Variants in PDZD9 observed in about 807,000 individuals in gnomAD.
PDZD9 encodes PDZ domain-containing protein 9.
A neutral mutation model predicts 16.3 loss-of-function variants in PDZD9; 13 were observed. That is an observed-to-expected ratio of 0.80 (90% CI 0.52 to 1.27). The LOEUF is 1.27. Among genes scored for constraint, PDZD9 ranks in the 50% most tolerant of loss-of-function variants. The pLI is 0.00. For missense variants in PDZD9, 288 were observed against 310.9 expected, an observed-to-expected ratio of 0.93 and a Z score of 0.55; for synonymous variants, 120 against 111.0, an observed-to-expected ratio of 1.08 and a Z score of -0.51.
chr16:21,978,180 G>A, the PDZD9 span, among the ~76,000 whole-genome samples: 1 of 152,140 alleles, frequency 6.6e-6, no homozygotes, highest in African/African-American at 2.4e-5. Context: ...AGTTCTTCCT[G>A]TAGTGAAAGA....
Position 21,988,619 on chromosome 16 carries a change from G to C in PDZD9, c.384C>G (p.Ala128=). Residue 128 remains alanine, a synonymous_variant, in exon 3 of 4, where the codon GCC becomes GCG. Coordinates refer to ENST00000424898, the MANE Select transcript of PDZD9 (RefSeq NM_001363519.1). ...WQEIYDLIPE[A]KFPVTSTPKK... is the part of the protein sequence containing the mutation. ...CTATTTACCTTGTTACTGGGAATTT[G>C]GCCTCAGGGATTAAATCATATATTT... The C allele has an allele frequency of 6.2e-7, 1 of 1,610,084 alleles. No individual in the cohort carries two copies. The highest frequency in any genetic ancestry group is 8.5e-7 in the Non-Finnish European group (1 of 1,178,100).
the PDZD9 span, chr16:21,962,130 A>G: frequency 4.4e-6 from 1 of 227,652 alleles, no homozygotes; most frequent in Non-Finnish European, 8.7e-6. Context: ...CAGTCTCTAC[A>G]AATTTGACTA....
chr16:21,957,786 G>A, the PDZD9 span, among the ~76,000 whole-genome samples: 1 of 152,142 alleles, frequency 6.6e-6, no homozygotes, highest in Non-Finnish European at 1.5e-5. Context: ...ATATCAGCAG[G>A]GCTGTGATCC....
the PDZD9 span, among the ~76,000 whole-genome samples, chr16:21,959,086 G>A: frequency 3.3e-5 from 5 of 152,306 alleles, no homozygotes; most frequent in South Asian, 2.1e-4. Flanking sequence ...TTGCCTCCAC[G>A]TTAATGGCTG....
At chr16:21,975,201 C>A in the PDZD9 span, among the ~76,000 whole-genome samples, 1 of 151,960 alleles carries the variant, frequency 6.6e-6, no homozygotes, top group Non-Finnish European at 1.5e-5. Context: ...GGAGCATTGG[C>A]AAGAGTGATT....
At chr16:22,000,509 G>A (rs1039098268) in intron 1 of PDZD9, among the ~76,000 whole-genome samples, 2 of 152,006 alleles carry the variant, frequency 1.3e-5, no homozygotes, top group Admixed American at 6.6e-5. Flanking sequence ...CGTGGGTATA[G>A]CTTGTCAAAA....
the PDZD9 span, among the ~76,000 whole-genome samples, chr16:21,969,423 A>T: frequency 6.6e-6 from 1 of 152,110 alleles, no homozygotes; most frequent in South Asian, 2.1e-4. Context: ...AATCCCAGCT[A>T]TCGGGGGGCT....
chr16:21,975,829 A>G, the PDZD9 span, among the ~76,000 whole-genome samples: 1 of 152,136 alleles, frequency 6.6e-6, no homozygotes, highest in Non-Finnish European at 1.5e-5. Context: ...GGTGGCTCAC[A>G]CCTATAATCC....
the PDZD9 span, among the ~76,000 whole-genome samples, chr16:21,974,375 A>C: frequency 6.6e-6 from 1 of 152,210 alleles, no homozygotes; most frequent in Non-Finnish European, 1.5e-5. Flanking sequence ...CTGGGAAACA[A>C]CACCATTTAA....
the PDZD9 span, among the ~76,000 whole-genome samples, chr16:21,975,479 G>A: frequency 6.6e-6 from 1 of 152,070 alleles, no homozygotes; most frequent in East Asian, 1.9e-4. Context: ...GGTGATCAGA[G>A]GGAAAAATAA....
the PDZD9 span, chr16:21,958,562 A>T: frequency 6.2e-7 from 1 of 1,612,830 alleles, no homozygotes; most frequent in Non-Finnish European, 8.5e-7. Context: ...ATCTTTCAAG[A>T]TAACCCGTGG....
chr16:21,988,699 C>G lies in PDZD9; in HGVS notation c.304G>C (p.Val102Leu). 1 of 1,612,892 alleles carries G rather than the reference C, an allele frequency of 6.2e-7. No homozygotes were observed. The highest frequency in any genetic ancestry group is 8.5e-7 in the Non-Finnish European group (1 of 1,179,022). The change falls in exon 3 of 4, where the codon GTG becomes CTG. Residue 102 changes from valine (V) to leucine (L), a missense_variant. By Grantham distance (32) the Val-to-Leu change is conservative. Transcript: ENST00000424898. ...QLLQHITIGT[V>L]LQIKVYRDFI... ...TCTCGGTAAACCTTGATTTGTAGCA[C>G]TGTTCCAATAGTGATATGTTGCAAA...
rs149941296 is a variant in PDZD9, at chr16:21,999,909, C to T, written c.31+1108G>A. On this transcript the variant is annotated intron_variant, in intron 1 of 3. Transcript: ENST00000424898. ...AAAATCAGCCAGGCGTGGTGGTTCA[C>T]GCCTGTAATCCAAGCTACTCTGGAG... Among the ~76,000 whole-genome samples, 253 of 152,288 alleles carry T rather than the reference C, an allele frequency of 1.7e-3. 2 individuals carry two copies. Among genetic ancestry groups the T allele is most frequent in the African/African-American group, 5.9e-3 (245 of 41,560 alleles).
At chr16:21,983,586 T>C, downstream of PDZD9, 1 of 219,606 alleles carries the variant, frequency 4.6e-6, no homozygotes, top group South Asian at 1.8e-4. Context: ...AGCTAAATGG[T>C]CTGGTTTTTA....
the PDZD9 span, among the ~76,000 whole-genome samples, chr16:21,972,597 G>A: frequency 6.6e-6 from 1 of 152,154 alleles, no homozygotes. Context: ...ATGAGAGGCT[G>A]GGCACAGTGG....
chr16:21,970,965 ATATAT>A, the PDZD9 span, among the ~76,000 whole-genome samples: 2 of 151,690 alleles, frequency 1.3e-5, no homozygotes, highest in Non-Finnish European at 2.9e-5. Flanking sequence ...AAGGTTCTTT[ATATAT>A]TTTGGTTACT....
chr16:21,982,774 G>A (rs1000957209), downstream of PDZD9, among the ~76,000 whole-genome samples: 1 of 152,084 alleles, frequency 6.6e-6, no homozygotes, highest in Non-Finnish European at 1.5e-5. Flanking sequence ...AGACCAGCCT[G>A]GCCAACATGG....
At chr16:21,972,233 G>T in the PDZD9 span, 1 of 1,382,092 alleles carries the variant, frequency 7.2e-7, no homozygotes, top group Non-Finnish European at 9.8e-7. Context: ...GAAAATCTTT[G>T]TACAATTGAA....
intron 2 of PDZD9, among the ~76,000 whole-genome samples, chr16:21,995,528 T>G (rs922313735): frequency 2.0e-5 from 3 of 152,148 alleles, no homozygotes; most frequent in African/African-American, 2.4e-5. Flanking sequence ...TTAAATGAAT[T>G]AATATGCCCA....
Sources: allele counts gnomAD v4.1 joint callset (sites outside exome capture counted in the v4.1 genomes callset), GRCh38; gene constraint gnomAD v4.1.1; transcripts MANE v1.5; gene names NCBI Gene and HGNC (gene_info 2026-07-23, HGNC 2026-07-21).